Variants in CDKL4 observed in about 807,000 individuals in gnomAD.
CDKL4 encodes cyclin dependent kinase like 4.
Under a neutral mutation model 42.0 loss-of-function variants are expected in CDKL4, and 44 were observed. The observed-to-expected ratio is 1.05, with a 90% CI of 0.82 to 1.35. The LOEUF (loss-of-function observed/expected upper bound fraction) is 1.35. Ranked by LOEUF, CDKL4 falls within the 40% of genes most tolerant of loss-of-function variation. The pLI is 0.00. For synonymous variants in CDKL4, 120 were observed against 121.6 expected (o/e 0.99, Z 0.09); for missense variants, 393 against 369.9 (o/e 1.06, Z -0.51).
At chr2:39,203,598 T>TA (rs1423866775) in intron 5 of CDKL4, among the ~76,000 whole-genome samples, 1 of 152,212 alleles carries the variant, frequency 6.6e-6, no homozygotes, top group Non-Finnish European at 1.5e-5. Flanking sequence ...ACTGAATACA[T>TA]ATGTTTTCAC....
At chr2:39,185,088 G>A in intron 7 of CDKL4, among the ~76,000 whole-genome samples, 1 of 140,498 alleles carries the variant, frequency 7.1e-6, no homozygotes, top group Non-Finnish European at 1.5e-5. Context: ...CTCTCTAGTA[G>A]GTTCAATAAT....
intron 8 of CDKL4, among the ~76,000 whole-genome samples, chr2:39,182,762 A>G (rs966089263): frequency 4.6e-5 from 7 of 152,226 alleles, no homozygotes; most frequent in African/African-American, 1.7e-4. Flanking sequence ...CATCATGACT[A>G]TGGAAATAAA....
Position 39,185,308 on chromosome 2 carries a change from GTATATATACATATATATACACATATGTA to G in CDKL4, c.736-689_736-662del, listed in dbSNP as rs1558546879. On this transcript the variant is annotated intron_variant, in intron 7 of 9. Transcript: ENST00000451199. Reference sequence around the variant, plus strand: ...TATATATACATATATATACACATATGTATATATACATATATATACACATATGTATATATATACACATATGTATATATAC... The same window carrying G: ...TATATATACATATATATACACATATGTATATATACACATATGTATATATAC... Among the ~76,000 whole-genome samples the G allele has an allele frequency of 7.0e-4, 17 of 24,160 alleles. 2 individuals carry two copies. The East Asian group carries it at 0.01, about 14-fold the overall frequency. 15.8% of individuals were successfully genotyped at this position (24,160 alleles called of 152,430 possible). A position where few individuals can be genotyped will look rare whatever the true frequency, so the allele number is the denominator to read the frequency against.
chr2:39,178,890 T>G (rs1200851387), intron 9 of CDKL4: 2 of 1,463,660 alleles, frequency 1.4e-6, no homozygotes, highest in Non-Finnish European at 9.0e-7. Flanking sequence ...TTATATGAAG[T>G]TGTTATATTA....
intron 4 of CDKL4, among the ~76,000 whole-genome samples, chr2:39,204,888 G>T (rs189000181): frequency 2.3e-3 from 348 of 151,052 alleles, no homozygotes; most frequent in African/African-American, 8.1e-3. Flanking sequence ...TTTAAAGAAG[G>T]GATTTTCAGA....
intron 1 of CDKL4, among the ~76,000 whole-genome samples, chr2:39,231,180 C>T (rs571610595): frequency 2.0e-5 from 3 of 152,106 alleles, no homozygotes; most frequent in African/African-American, 7.2e-5. Context: ...CCACTGCACT[C>T]CAGCCTGGGA....
At chr2:39,190,373 A>G in exon 6 of CDKL4, 4 of 1,614,216 alleles carry the variant, frequency 2.5e-6, no homozygotes, top group Non-Finnish European at 3.4e-6. Context: ...CTGGCCTGTC[A>G]GGAGCTCTGC....
chr2:39,234,254 T>C (rs1679242382), intron 1 of CDKL4, among the ~76,000 whole-genome samples: 1 of 152,112 alleles, frequency 6.6e-6, no homozygotes. Flanking sequence ...TGTGTAGATT[T>C]GGATAAAAAG....
chr2:39,171,613 G>A (rs1234948834), downstream of CDKL4, among the ~76,000 whole-genome samples: 1 of 152,192 alleles, frequency 6.6e-6, no homozygotes, highest in Non-Finnish European at 1.5e-5. Flanking sequence ...GAGGTCTAAC[G>A]AAATGTCCTT....
chr2:39,222,533 T>C (rs1257397420), intron 3 of CDKL4, among the ~76,000 whole-genome samples: 1 of 152,084 alleles, frequency 6.6e-6, no homozygotes, highest in Non-Finnish European at 1.5e-5. Context: ...GAGGCTGCAG[T>C]GAGCCGAGAT....
In CDKL4 at chr2:39,183,687, G is replaced by A. The variant is rs17023398; in HGVS notation, c.792+904C>T. 5.8e-3 allele frequency among the ~76,000 whole-genome samples: 883 copies of A among 152,258 alleles called. 7 individuals carry two copies. Among genetic ancestry groups the A allele is most frequent in the African/African-American group, 0.02 (836 of 41,532 alleles). On this transcript the variant is annotated intron_variant, in intron 8 of 9. Transcript: ENST00000451199. ...AACAACCTGTCAAGAACAAGGTCAG[G>A]GAACTGGGCTTCTAGGACAGGACCT... is the stretch of plus-strand genomic sequence containing the variant.
At chr2:39,185,242 A>G (rs867252493) in intron 7 of CDKL4, among the ~76,000 whole-genome samples, 1 of 3,248 alleles carries the variant, frequency 3.1e-4, no homozygotes, top group Admixed American at 3.7e-3. Context: ...GTATATATAC[A>G]TATATACACA....
intron 4 of CDKL4, among the ~76,000 whole-genome samples, chr2:39,207,449 C>T (rs904211759): frequency 1.1e-4 from 17 of 152,046 alleles, no homozygotes; most frequent in African/African-American, 4.1e-4. Flanking sequence ...TTTTAAGCAA[C>T]ACACTTAAGA....
chr2:39,240,129 G>A (rs1021342808), intron 1 of CDKL4, among the ~76,000 whole-genome samples: 7 of 150,948 alleles, frequency 4.6e-5, no homozygotes, highest in Non-Finnish European at 8.8e-5. Flanking sequence ...AAAATTAACC[G>A]CCAGGCGTGG....
chr2:39,207,989 C>T (rs1277290938), intron 4 of CDKL4, among the ~76,000 whole-genome samples: 1 of 152,034 alleles, frequency 6.6e-6, no homozygotes, highest in Non-Finnish European at 1.5e-5. Context: ...GTAATCCCAG[C>T]TACTCGGGAG....
At chr2:39,224,694 G>A (rs567795598) in intron 3 of CDKL4, among the ~76,000 whole-genome samples, 5 of 151,862 alleles carry the variant, frequency 3.3e-5, no homozygotes, top group Non-Finnish European at 5.9e-5. Context: ...AGTAGAGACA[G>A]GGGTTCACCA....
chr2:39,235,979 C>G (rs1679348573), intron 1 of CDKL4, among the ~76,000 whole-genome samples: 1 of 151,854 alleles, frequency 6.6e-6, no homozygotes, highest in Non-Finnish European at 1.5e-5. Context: ...TGAGTAGACT[C>G]AGATGTTGGA....
intron 3 of CDKL4, among the ~76,000 whole-genome samples, chr2:39,213,905 T>C (rs1446814583): frequency 1.4e-5 from 2 of 140,898 alleles, no homozygotes; most frequent in African/African-American, 6.4e-5. Context: ...TTTTGTTTTG[T>C]TTTGTTTTGT....
chr2:39,190,017 C>CA (rs1357202366), intron 6 of CDKL4, among the ~76,000 whole-genome samples: 3 of 152,162 alleles, frequency 2.0e-5, no homozygotes, highest in African/African-American at 7.2e-5. Context: ...ATATCCTTAT[C>CA]CCTATCTTAG....
Sources: gnomAD v4.1 joint callset for allele counts (sites outside exome capture counted in the v4.1 genomes callset) on GRCh38, gnomAD v4.1.1 for gene constraint, MANE v1.5 for transcripts, NCBI Gene and HGNC (gene_info 2026-07-23, HGNC 2026-07-21) for gene names.